COL5A2: variants seen among roughly 807,000 people sequenced by gnomAD.
COL5A2 encodes the protein collagen alpha-2(V) chain.
A neutral mutation model predicts 208.2 loss-of-function variants in COL5A2; 23 were observed. The observed-to-expected ratio is 0.11, with a 90% CI of 0.08 to 0.16. The LOEUF is 0.16. Among genes scored for constraint, COL5A2 ranks in the 10% least tolerant of loss-of-function variants. COL5A2 has a pLI of 1.00. For synonymous variants in COL5A2, 625 were observed against 628.5 expected, an observed-to-expected ratio of 0.99 and a Z score of 0.08; for missense variants, 1,590 against 1,956.4, an observed-to-expected ratio of 0.81 and a Z score of 3.53.
the COL5A2 span, among the ~76,000 whole-genome samples, chr2:189,239,076 T>G: frequency 1.1e-4 from 16 of 152,112 alleles, no homozygotes; most frequent in Non-Finnish European, 1.5e-4. Flanking sequence ...CAAATGAACT[T>G]TGGTCAACTG....
the COL5A2 span, among the ~76,000 whole-genome samples, chr2:189,405,783 C>A: frequency 2.6e-4 from 39 of 152,262 alleles, no homozygotes; most frequent in African/African-American, 7.9e-4. Context: ...ACCATGAACC[C>A]AATATGGAAT....
intron 12 of COL5A2, among the ~76,000 whole-genome samples, chr2:189,081,872 G>A (rs1000168986): frequency 6.6e-6 from 1 of 152,056 alleles, no homozygotes; most frequent in Non-Finnish European, 1.5e-5. Flanking sequence ...AAGATACTAA[G>A]CTAATGACTT....
At chr2:189,240,425 C>G in the COL5A2 span, among the ~76,000 whole-genome samples, 1 of 152,132 alleles carries the variant, frequency 6.6e-6, no homozygotes, top group Non-Finnish European at 1.5e-5. Context: ...TCTAATCTAA[C>G]CCCAGTTACC....
At chr2:189,162,845 G>A (rs951813192) in intron 1 of COL5A2, among the ~76,000 whole-genome samples, 1 of 152,104 alleles carries the variant, frequency 6.6e-6, no homozygotes, top group African/African-American at 2.4e-5. Flanking sequence ...TACTAGTGAA[G>A]GAGGGAAATG....
chr2:189,289,454 T>A, the COL5A2 span, among the ~76,000 whole-genome samples: 1 of 152,106 alleles, frequency 6.6e-6, no homozygotes. Context: ...AGATGAAAGC[T>A]TTTTCTCCAA....
chr2:189,160,657 TAATC>T (rs1024600885), intron 1 of COL5A2, among the ~76,000 whole-genome samples: 17 of 152,262 alleles, frequency 1.1e-4, no homozygotes, highest in African/African-American at 3.6e-4. Context: ...AGTTTATAAT[TAATC>T]AATCAATAAA....
chr2:189,355,011 C>A, the COL5A2 span, among the ~76,000 whole-genome samples: 1 of 152,058 alleles, frequency 6.6e-6, no homozygotes, highest in African/African-American at 2.4e-5. Flanking sequence ...AAGAACATCT[C>A]TATTTCTGCC....
At chr2:189,121,223 C>A (rs556396671) in intron 1 of COL5A2, among the ~76,000 whole-genome samples, 1 of 151,452 alleles carries the variant, frequency 6.6e-6, no homozygotes, top group East Asian at 1.9e-4. Flanking sequence ...TTGGGGGTTG[C>A]TTTTTTTTCA....
chr2:189,082,656 G>A (rs894978275), intron 12 of COL5A2, among the ~76,000 whole-genome samples: 1 of 152,202 alleles, frequency 6.6e-6, no homozygotes, highest in Non-Finnish European at 1.5e-5. Context: ...ATGTCCTAAT[G>A]CTCATAAAAA....
chr2:189,350,385 T>C, the COL5A2 span, among the ~76,000 whole-genome samples: 6 of 152,266 alleles, frequency 3.9e-5, no homozygotes, highest in African/African-American at 1.4e-4. Context: ...CTTTAAGACA[T>C]AGACTTTTAG....
chr2:189,097,202 C>G, intron 6 of COL5A2, 75 bp downstream of exon 6: 2 of 1,414,662 alleles, frequency 1.4e-6, no homozygotes, highest in Admixed American at 3.4e-5. Context: ...CTCCCAGCTT[C>G]TTGCTGCATT....
At chr2:189,305,652 C>T in the COL5A2 span, among the ~76,000 whole-genome samples, 1 of 152,094 alleles carries the variant, frequency 6.6e-6, no homozygotes, top group East Asian at 1.9e-4. Context: ...ACTCAGATAG[C>T]TGCTTTGCCT....
At chr2:189,153,250 G>A (rs1312440490) in intron 1 of COL5A2, among the ~76,000 whole-genome samples, 1 of 152,170 alleles carries the variant, frequency 6.6e-6, no homozygotes, top group Non-Finnish European at 1.5e-5. Flanking sequence ...GAAATTGGTT[G>A]GAAGGAGTCA....
At chr2:189,378,726 CA>C in the COL5A2 span, among the ~76,000 whole-genome samples, 1,420 of 79,472 alleles carry the variant, frequency 0.018, 20 homozygotes, top group African/African-American at 0.061. Flanking sequence ...TCCGTCTCAA[CA>C]AAAAAAAAAA....
intron 1 of COL5A2, among the ~76,000 whole-genome samples, chr2:189,162,021 T>C (rs1475638853): frequency 6.6e-6 from 1 of 152,186 alleles, no homozygotes; most frequent in African/African-American, 2.4e-5. Context: ...ACAGAGTTCA[T>C]GTAGCGGAAT....
At chr2:189,123,932 T>C (rs1344633549) in intron 1 of COL5A2, among the ~76,000 whole-genome samples, 2 of 152,022 alleles carry the variant, frequency 1.3e-5, no homozygotes, top group Admixed American at 6.6e-5. Flanking sequence ...GATTGCTATG[T>C]TAGAGAAAAG....
chr2:189,122,532 C>G (rs1219809558), intron 1 of COL5A2, among the ~76,000 whole-genome samples: 1 of 152,122 alleles, frequency 6.6e-6, no homozygotes, highest in Non-Finnish European at 1.5e-5. Context: ...TAACGACATG[C>G]CCACATGGAA....
At chr2:189,374,022 T>C in the COL5A2 span, among the ~76,000 whole-genome samples, 2 of 152,206 alleles carry the variant, frequency 1.3e-5, no homozygotes, top group Admixed American at 6.5e-5. Flanking sequence ...AACCTTGAAA[T>C]TGAGTCCATT....
In COL5A2 at chr2:189,063,189, C is replaced by T. The variant is rs1559085744; in HGVS notation, c.1852G>A (p.Gly618Ser). 2 of 1,614,156 alleles carry T rather than the reference C, an allele frequency of 1.2e-6. No homozygotes were observed. Among genetic ancestry groups the T allele is most frequent in the South Asian group, 2.2e-5 (2 of 91,088 alleles). ...GTACTCACACTGCTACCTTTGGGGC[C>T]TGGAAGGCCCATGCTCCCGGGCTGC... ...RGQPGSMGLPGPKGSSGDPGK... is the reference protein window; with the variant it reads ...RGQPGSMGLPSPKGSSGDPGK... The change falls in exon 27 of 54, where the codon GGC becomes AGC. Residue 618 changes from glycine to serine, a missense_variant. Physicochemically the swap from Gly to Ser is moderately conservative, Grantham distance 56. Coordinates refer to ENST00000374866, the MANE Select transcript of COL5A2 (RefSeq NM_000393.5).
Sources: allele counts gnomAD v4.1 joint callset (sites outside exome capture counted in the v4.1 genomes callset), GRCh38; gene constraint gnomAD v4.1.1; transcripts MANE v1.5; gene names NCBI Gene and HGNC (gene_info 2026-07-23, HGNC 2026-07-21).